SAMSN1: variants seen among roughly 807,000 people sequenced by gnomAD.
SAMSN1 encodes the protein SAM domain-containing protein SAMSN-1.
SAMSN1 carries 31 observed loss-of-function variants against 42.0 expected under a neutral mutation model. The ratio of observed to expected loss-of-function variants is 0.74; its 90% CI spans 0.55 to 1.00. SAMSN1 has a LOEUF of 1.00. SAMSN1 is among the 50% of genes least tolerant of loss of function. The pLI is 0.00. For missense variants in SAMSN1, 464 were observed against 439.4 expected, an observed-to-expected ratio of 1.06 and a Z score of -0.50; for synonymous variants, 178 against 151.9, an observed-to-expected ratio of 1.17 and a Z score of -1.26.
chr21:14,586,317 AAAT>A (rs1379188752), upstream of SAMSN1, among the ~76,000 whole-genome samples: 2 of 151,604 alleles, frequency 1.3e-5, no homozygotes, highest in African/African-American at 4.8e-5. Flanking sequence ...AATATTTTTC[AAAT>A]AATAACCCTA....
chr21:14,500,497 T>C (rs761173710), intron 6 of SAMSN1, 32 bp downstream of exon 6: 2 of 1,590,032 alleles, frequency 1.3e-6, no homozygotes, highest in South Asian at 2.2e-5. Flanking sequence ...TTTACATGCT[T>C]CCAAAAGCAA....
At chr21:14,493,613 A>ACG (rs1555826735) in intron 7 of SAMSN1, among the ~76,000 whole-genome samples, 2,784 of 151,010 alleles carry the variant, frequency 0.018, 79 homozygotes, top group African/African-American at 0.063. Flanking sequence ...ACACACACAC[A>ACG]TATTTTCTGT....
At chr21:14,508,240 T>A (rs1162651653) in intron 5 of SAMSN1, among the ~76,000 whole-genome samples, 1 of 151,924 alleles carries the variant, frequency 6.6e-6, no homozygotes, top group Non-Finnish European at 1.5e-5. Flanking sequence ...TTTTGCATGG[T>A]AAAAGAAACA....
intron 3 of SAMSN1, among the ~76,000 whole-genome samples, chr21:14,514,776 A>G (rs1392150455): frequency 6.6e-6 from 1 of 152,198 alleles, no homozygotes; most frequent in African/African-American, 2.4e-5. Context: ...TAGAGAATAA[A>G]TATATTAGCT....
At position 14,575,020 on chromosome 21, in the gene SAMSN1, G is replaced by A. The variant is rs116568410; in HGVS notation, c.261+7116C>T. On this transcript the variant is annotated intron_variant, in intron 2 of 8. Coordinates refer to the SAMSN1 transcript ENST00000285670. The stretch of plus-strand genomic sequence containing the variant: ...CTATTACTTATTCTTCCGTTTTACC[G>A]TTTTCTTTTAATAAGATCACGTAAA... 5.4e-3 allele frequency among the ~76,000 whole-genome samples: 818 copies of A among 152,038 alleles called. 9 individuals are homozygous for A. The highest frequency in any genetic ancestry group is 0.019 in the African/African-American group (792 of 41,504).
chr21:14,543,829 G>T (rs1452522345), intron 1 of SAMSN1, among the ~76,000 whole-genome samples: 1 of 152,050 alleles, frequency 6.6e-6, no homozygotes, highest in Non-Finnish European at 1.5e-5. Flanking sequence ...ATAGTATGAA[G>T]AGTTTATGTT....
At chr21:14,568,070 G>T (rs1458901277) in intron 2 of SAMSN1, among the ~76,000 whole-genome samples, 1 of 152,146 alleles carries the variant, frequency 6.6e-6, no homozygotes, top group East Asian at 1.9e-4. Flanking sequence ...TAGAAATTCT[G>T]ATTGAGTAAG....
intron 3 of SAMSN1, 110 bp from the exon 4 acceptor site, chr21:14,512,683 T>A: frequency 1.0e-6 from 1 of 997,916 alleles, no homozygotes. Context: ...TACTTAAGGA[T>A]ACATAAGGAT....
intron 2 of SAMSN1, among the ~76,000 whole-genome samples, chr21:14,551,947 TA>T (rs983738172): frequency 3.3e-5 from 5 of 152,060 alleles, no homozygotes; most frequent in Non-Finnish European, 7.4e-5. Context: ...ATACCTGGCA[TA>T]AAATGGGAAT....
chr21:14,547,990 T>A (rs192389767), upstream of SAMSN1, among the ~76,000 whole-genome samples: 148 of 152,276 alleles, frequency 9.7e-4, no homozygotes, highest in African/African-American at 3.5e-3. Flanking sequence ...AACCTGAGAA[T>A]GTTGAGGTGG....
intron 7 of SAMSN1, among the ~76,000 whole-genome samples, chr21:14,490,375 A>C (rs2123644871): frequency 6.6e-6 from 1 of 152,312 alleles, no homozygotes; most frequent in East Asian, 1.9e-4. Flanking sequence ...CCATCTCCAA[A>C]GTGGCAAAAC....
intron 4 of SAMSN1, chr21:14,609,705 A>G (rs2123319970): frequency 1.6e-6 from 1 of 612,170 alleles, no homozygotes; most frequent in South Asian, 2.0e-5. Flanking sequence ...CTCTAGTTCT[A>G]GGTGATGCAG....
chr21:14,601,190 A>G (rs1259375092), intron 6 of SAMSN1, among the ~76,000 whole-genome samples: 2 of 152,178 alleles, frequency 1.3e-5, no homozygotes, highest in South Asian at 4.1e-4. Context: ...GGGAGATACT[A>G]CAAGGGCAAT....
intron 6 of SAMSN1, 101 bp from the exon 7 acceptor site, chr21:14,498,693 A>C: frequency 2.3e-6 from 2 of 878,560 alleles, no homozygotes; most frequent in South Asian, 2.1e-5. Context: ...ATGGGGACCA[A>C]AGGTGCCAAT....
intron 1 of SAMSN1, among the ~76,000 whole-genome samples, chr21:14,545,115 T>C (rs1194046960): frequency 6.6e-6 from 1 of 152,152 alleles, no homozygotes; most frequent in Non-Finnish European, 1.5e-5. Context: ...ATTATGCATA[T>C]GTGTCAGAAA....
At chr21:14,653,069 C>A (rs1296083834) in intron 1 of SAMSN1, among the ~76,000 whole-genome samples, 1 of 151,988 alleles carries the variant, frequency 6.6e-6, no homozygotes, top group Non-Finnish European at 1.5e-5. Context: ...GAAAAAGGAA[C>A]CCTATTTCAC....
chr21:14,631,218 T>A (rs1352929355), intron 2 of SAMSN1, among the ~76,000 whole-genome samples: 1 of 152,236 alleles, frequency 6.6e-6, no homozygotes, highest in African/African-American at 2.4e-5. Context: ...ACCACAGTTA[T>A]GTACTTAGAG....
At chr21:14,544,405 T>C (rs1304344821) in intron 1 of SAMSN1, among the ~76,000 whole-genome samples, 1 of 152,116 alleles carries the variant, frequency 6.6e-6, no homozygotes, top group Non-Finnish European at 1.5e-5. Context: ...CCAAAATAAA[T>C]GTGAATTATG....
intron 1 of SAMSN1, among the ~76,000 whole-genome samples, chr21:14,529,110 G>C (rs866119184): frequency 6.6e-5 from 10 of 152,174 alleles, no homozygotes; most frequent in African/African-American, 2.4e-4. Flanking sequence ...AACACTTCTT[G>C]CTGGCCACTG....
Sources: allele counts gnomAD v4.1 joint callset (sites outside exome capture counted in the v4.1 genomes callset), GRCh38; gene constraint gnomAD v4.1.1; transcripts MANE v1.5; gene names NCBI Gene and HGNC (gene_info 2026-07-23, HGNC 2026-07-21).